The following FRYL variants were observed in gnomAD, a reference collection of about 807,000 sequenced individuals.
FRYL encodes the protein protein furry homolog-like.
FRYL carries 150 observed loss-of-function variants against 351.2 expected under a neutral mutation model. The observed-to-expected ratio is 0.43, with a 90% CI of 0.37 to 0.49. FRYL has a LOEUF of 0.49. Ranked by LOEUF, FRYL falls within the 20% of genes least tolerant of loss-of-function variation. FRYL has a pLI of 0.00. For missense variants in FRYL, 3,036 were observed against 3,619.3 expected (o/e 0.84, Z 4.13); for synonymous variants, 1,153 against 1,257.1 (o/e 0.92, Z 1.75).
At position 48,625,316 on chromosome 4, in the gene FRYL, G is replaced by A. The variant is rs1442021595; in HGVS notation, c.121-2137C>T. Among the ~76,000 whole-genome samples the A allele has an allele frequency of 2.0e-5, 3 of 152,134 alleles. No homozygotes were observed. The East Asian group carries it at 5.8e-4, about 29-fold the overall frequency. ...ATACACATTTGCAAAGAGGTGTATA[G>A]AAGGACATTCACTATCAATGGAAAA... On this transcript the variant is annotated intron_variant, in intron 4 of 63. Coordinates refer to ENST00000358350, the MANE Select transcript of FRYL (RefSeq NM_015030.2).
At position 48,564,951 on chromosome 4, in the gene FRYL, C is replaced by T. The variant is rs749022563; in HGVS notation, c.3423G>A (p.Leu1141=). 6.3e-7 allele frequency: 1 copy of T among 1,592,052 alleles called. No homozygotes were observed. The highest frequency in any genetic ancestry group is 1.1e-5 in the South Asian group (1 of 89,128). Residue 1141 remains leucine, a synonymous_variant, in exon 30 of 64, where the codon TTG becomes TTA. Coordinates refer to ENST00000358350, the MANE Select transcript of FRYL (RefSeq NM_015030.2). ...TAATTACCTTTTTGTCCAGAGAATC[C>T]AAAATGTTATCCAACCATTTGTACA... The part of the protein sequence containing the change: ...GYLYKWLDNI[L]DSLDKKVHQL...
At chr4:48,649,105 T>C (rs1310948216) in intron 3 of FRYL, among the ~76,000 whole-genome samples, 1 of 152,196 alleles carries the variant, frequency 6.6e-6, no homozygotes, top group Non-Finnish European at 1.5e-5. Flanking sequence ...AGACATACGA[T>C]AGGTACTTAC....
At chr4:48,710,727 T>A (rs1355995762) in intron 1 of FRYL, 29 bp from the exon 2 acceptor site, 1 of 396,782 alleles carries the variant, frequency 2.5e-6, no homozygotes, top group African/African-American at 2.1e-5. Flanking sequence ...GGAAATATGG[T>A]CATCACTAAC....
chr4:48,759,823 G>GGCTAACC lies in FRYL; in HGVS notation c.-384+20248_-384+20254dup, dbSNP rs1774213545. Among the ~76,000 whole-genome samples the GGCTAACC allele has an allele frequency of 2.0e-5, 3 of 152,062 alleles. No individual in the cohort carries two copies. The South Asian group carries it at 6.2e-4, about 32-fold the overall frequency. ...GACATTAGGCCCAGCCAGTAATCCA[G>GGCTAACC]GCTAACCCCCCTATTACAAGGTCAG... On this transcript the variant is annotated intron_variant, in intron 1 of 63. Coordinates refer to ENST00000358350, the MANE Select transcript of FRYL (RefSeq NM_015030.2).
chr4:48,760,763 G>A (rs1160951976), intron 1 of FRYL, among the ~76,000 whole-genome samples: 1 of 152,066 alleles, frequency 6.6e-6, no homozygotes, highest in Non-Finnish European at 1.5e-5. Flanking sequence ...TGCAACCTCC[G>A]CCTCCTGGAT....
chr4:48,601,931 A>G, intron 13 of FRYL, 89 bp downstream of exon 13: 2 of 708,242 alleles, frequency 2.8e-6, no homozygotes, highest in East Asian at 5.4e-5. Context: ...CAATAGTAAC[A>G]AAAGTTTCAT....
intron 1 of FRYL, among the ~76,000 whole-genome samples, chr4:48,751,103 T>C (rs1773211605): frequency 6.6e-6 from 1 of 152,068 alleles, no homozygotes; most frequent in Non-Finnish European, 1.5e-5. Context: ...ACAATATCTG[T>C]TAGAAAGGCC....
At chr4:48,569,124 TC>T (rs1298439282) in intron 27 of FRYL, among the ~76,000 whole-genome samples, 2 of 152,152 alleles carry the variant, frequency 1.3e-5, no homozygotes, top group Non-Finnish European at 2.9e-5. Context: ...AATTTTGCAG[TC>T]CCCAAAATAG....
At chr4:48,721,515 A>T (rs1465423750) in intron 1 of FRYL, among the ~76,000 whole-genome samples, 1 of 152,176 alleles carries the variant, frequency 6.6e-6, no homozygotes, top group Non-Finnish European at 1.5e-5. Context: ...AAAATAAATT[A>T]AAAAATAAAA....
chr4:48,620,417 C>T (rs1750423729), intron 6 of FRYL, among the ~76,000 whole-genome samples: 1 of 152,058 alleles, frequency 6.6e-6, no homozygotes, highest in African/African-American at 2.4e-5. Flanking sequence ...TGCATGATAC[C>T]CAGTATGAGT....
chr4:48,514,948 TG>T, intron 56 of FRYL, 79 bp downstream of exon 56: 1 of 1,236,452 alleles, frequency 8.1e-7, no homozygotes, highest in Non-Finnish European at 1.1e-6. Flanking sequence ...GTAAGTAAAC[TG>T]AAACAGAGGG....
At chr4:48,769,354 A>G (rs1775290679) in intron 1 of FRYL, among the ~76,000 whole-genome samples, 1 of 152,248 alleles carries the variant, frequency 6.6e-6, no homozygotes, top group African/African-American at 2.4e-5. Flanking sequence ...ATTTAGGGAA[A>G]GGCATATTAA....
intron 11 of FRYL, 81 bp from the exon 12 acceptor site, chr4:48,603,469 A>C (rs1280462453): frequency 1.2e-5 from 11 of 948,918 alleles, no homozygotes; most frequent in African/African-American, 1.7e-5. Context: ...ACTTTCTGTA[A>C]GGTTTGAAAT....
intron 56 of FRYL, 145 bp downstream of exon 56, chr4:48,514,883 C>G (rs557921144): frequency 1.5e-6 from 1 of 667,754 alleles, no homozygotes; most frequent in South Asian, 2.7e-5. Flanking sequence ...TAGTATGATT[C>G]TAGACTAAAA....
intron 1 of FRYL, among the ~76,000 whole-genome samples, chr4:48,735,233 C>A (rs1187223706): frequency 2.2e-5 from 2 of 92,668 alleles, no homozygotes; most frequent in African/African-American, 8.5e-5. Context: ...CTCATCATCA[C>A]TGGTCATCAG....
chr4:48,564,377 A>AT (rs1303069120), intron 30 of FRYL, among the ~76,000 whole-genome samples: 1 of 152,202 alleles, frequency 6.6e-6, no homozygotes, highest in Non-Finnish European at 1.5e-5. Flanking sequence ...ATGAATAGTG[A>AT]TTAGGTGCTT....
chr4:48,658,667 T>C (rs889141412), intron 3 of FRYL, among the ~76,000 whole-genome samples: 3 of 149,896 alleles, frequency 2.0e-5, no homozygotes, highest in African/African-American at 7.4e-5. Flanking sequence ...GGTGGGAGGA[T>C]CAACGGGGCC....
At chr4:48,737,259 G>GAAAAAAAAAAAAA (rs368219531) in intron 1 of FRYL, among the ~76,000 whole-genome samples, 1 of 97,706 alleles carries the variant, frequency 1.0e-5, no homozygotes, top group Admixed American at 1.1e-4. Flanking sequence ...CTCCATCACA[G>GAAAAAAAAAAAAA]AAAAAAAAAA....
chr4:48,663,568 G>C (rs893426235), intron 3 of FRYL, among the ~76,000 whole-genome samples: 1 of 151,312 alleles, frequency 6.6e-6, no homozygotes, highest in African/African-American at 2.4e-5. Context: ...GTAAATAAAA[G>C]AGATCCCCCT....
Sources: allele counts gnomAD v4.1 joint callset (sites outside exome capture counted in the v4.1 genomes callset), GRCh38; gene constraint gnomAD v4.1.1; transcripts MANE v1.5; gene names NCBI Gene and HGNC (gene_info 2026-07-23, HGNC 2026-07-21).